The following ROBO2 variants were observed in gnomAD, a reference collection of about 807,000 sequenced individuals.
ROBO2 encodes the protein roundabout homolog 2.
ROBO2 carries 53 observed loss-of-function variants against 160.8 expected under a neutral mutation model. The observed-to-expected ratio is 0.33, with a 90% CI of 0.26 to 0.41. The LOEUF (loss-of-function observed/expected upper bound fraction) is 0.41. ROBO2 is among the 10% of genes least tolerant of loss of function. The probability of loss-of-function intolerance (pLI) is 1.00; values close to 1 mark genes in which losing one functional copy is unlikely to be tolerated. For missense variants in ROBO2, 1,577 were observed against 1,722.4 expected, an observed-to-expected ratio of 0.92 and a Z score of 1.49; for synonymous variants, 664 against 611.7, an observed-to-expected ratio of 1.09 and a Z score of -1.26.
At chr3:76,190,327 A>T (rs1701949757) in intron 2 of ROBO2, among the ~76,000 whole-genome samples, 1 of 152,118 alleles carries the variant, frequency 6.6e-6, no homozygotes, top group African/African-American at 2.4e-5. Context: ...ATCTCTTTTA[A>T]ATTAATATTG....
At chr3:76,322,281 T>C (rs1416593907) in intron 2 of ROBO2, among the ~76,000 whole-genome samples, 1 of 150,486 alleles carries the variant, frequency 6.6e-6, no homozygotes, top group Non-Finnish European at 1.5e-5. Context: ...CTATCCTGTA[T>C]ACAAATAGTT....
chr3:76,235,398 A>G (rs1704881489), intron 2 of ROBO2, among the ~76,000 whole-genome samples: 1 of 152,180 alleles, frequency 6.6e-6, no homozygotes, highest in Admixed American at 6.5e-5. Flanking sequence ...AAGCTAGAAA[A>G]GGCAAGGAAG....
At chr3:76,088,283 C>T (rs1347378565) in intron 2 of ROBO2, among the ~76,000 whole-genome samples, 2 of 151,926 alleles carry the variant, frequency 1.3e-5, no homozygotes, top group Non-Finnish European at 2.9e-5. Flanking sequence ...TAATTAGAGA[C>T]CTTAATACCC....
intron 2 of ROBO2, among the ~76,000 whole-genome samples, chr3:76,719,450 C>G (rs2093431257): frequency 6.6e-6 from 1 of 152,176 alleles, no homozygotes; most frequent in Non-Finnish European, 1.5e-5. Flanking sequence ...GTCCTCCTGC[C>G]TCATCCTCCT....
At chr3:76,758,210 A>T (rs1028250309) in intron 2 of ROBO2, among the ~76,000 whole-genome samples, 2 of 151,824 alleles carry the variant, frequency 1.3e-5, no homozygotes, top group African/African-American at 4.8e-5. Flanking sequence ...ATGGAAAAAA[A>T]AATACCATCC....
chr3:76,746,084 T>A (rs2093885920), intron 2 of ROBO2, among the ~76,000 whole-genome samples: 1 of 150,290 alleles, frequency 6.7e-6, no homozygotes, highest in African/African-American at 2.5e-5. Context: ...ATATACAGTG[T>A]TTGGTTTTTT....
At chr3:76,093,915 A>G (rs1168742286) in intron 2 of ROBO2, among the ~76,000 whole-genome samples, 1 of 152,142 alleles carries the variant, frequency 6.6e-6, no homozygotes, top group Non-Finnish European at 1.5e-5. Flanking sequence ...ATCTACAACA[A>G]CATAGTTAGA....
At chr3:77,358,006 A>C (rs888150159) in intron 2 of ROBO2, among the ~76,000 whole-genome samples, 1 of 152,194 alleles carries the variant, frequency 6.6e-6, no homozygotes, top group African/African-American at 2.4e-5. Flanking sequence ...GATCCTGTTT[A>C]AAATGTGTTC....
intron 2 of ROBO2, among the ~76,000 whole-genome samples, chr3:77,292,657 A>G (rs183570779): frequency 1.9e-4 from 28 of 151,098 alleles, no homozygotes; most frequent in African/African-American, 6.8e-4. Context: ...AACAGTAAAG[A>G]CATAAAGTAA....
chr3:76,969,941 G>C (rs1449208029), intron 2 of ROBO2, among the ~76,000 whole-genome samples: 2 of 152,236 alleles, frequency 1.3e-5, no homozygotes, highest in East Asian at 3.9e-4. Context: ...ATTGCAATAA[G>C]TGGCATAAGA....
chr3:77,372,649 A>C (rs2071944095), intron 2 of ROBO2, among the ~76,000 whole-genome samples: 1 of 152,140 alleles, frequency 6.6e-6, no homozygotes, highest in Admixed American at 6.6e-5. Flanking sequence ...ATTAAAGTTG[A>C]AATATTATCT....
At chr3:76,712,637 T>C (rs174814) in intron 2 of ROBO2, among the ~76,000 whole-genome samples, 74,593 of 151,530 alleles carry the variant, frequency 0.49, 18,609 homozygotes, top group Non-Finnish European at 0.53. Context: ...ATCATGCTGC[T>C]GCACTCCAGC....
intron 2 of ROBO2, among the ~76,000 whole-genome samples, chr3:76,347,891 A>G (rs543448601): frequency 8.5e-5 from 13 of 152,162 alleles, no homozygotes; most frequent in Non-Finnish European, 1.5e-4. Flanking sequence ...AGTATTTATT[A>G]TATTGTTAAT....
intron 2 of ROBO2, among the ~76,000 whole-genome samples, chr3:76,275,988 ACAATT>A (rs1320107141): frequency 6.6e-6 from 1 of 152,066 alleles, no homozygotes; most frequent in Non-Finnish European, 1.5e-5. Flanking sequence ...AATCAAATAT[ACAATT>A]TAAATACATA....
At chr3:76,745,799 T>A (rs1436685255) in intron 2 of ROBO2, among the ~76,000 whole-genome samples, 3 of 143,244 alleles carry the variant, frequency 2.1e-5, no homozygotes, top group East Asian at 2.0e-4. Flanking sequence ...AAAAATTTAT[T>A]TTTATTTATT....
intron 2 of ROBO2, among the ~76,000 whole-genome samples, chr3:76,820,893 C>T (rs562405825): frequency 5.9e-5 from 9 of 151,670 alleles, no homozygotes; most frequent in Non-Finnish European, 7.4e-5. Context: ...TGACAATATG[C>T]AGAGAATTTT....
chr3:76,865,111 T>A (rs544398783), intron 2 of ROBO2, among the ~76,000 whole-genome samples: 86 of 152,142 alleles, frequency 5.7e-4, no homozygotes, highest in African/African-American at 2.0e-3. Context: ...TCTATTTCCA[T>A]GCTGTGTATT....
chr3:77,149,067 G>C (rs1474205249), intron 2 of ROBO2, among the ~76,000 whole-genome samples: 6 of 135,964 alleles, frequency 4.4e-5, no homozygotes, highest in Non-Finnish European at 9.1e-5. Context: ...AGACAGTCTC[G>C]CACTGTCACC....
exon 26 of ROBO2, chr3:77,648,221 C>T (rs908153094): frequency 6.6e-6 from 1 of 152,130 alleles, no homozygotes; most frequent in African/African-American, 2.4e-5. Context: ...CCCTGCCTAA[C>T]CTCTTTCTAT....
Sources: allele counts gnomAD v4.1 joint callset (sites outside exome capture counted in the v4.1 genomes callset), GRCh38; gene constraint gnomAD v4.1.1; transcripts MANE v1.5; gene names NCBI Gene and HGNC (gene_info 2026-07-23, HGNC 2026-07-21).